The following THSD7B variants were observed in gnomAD, a reference collection of about 807,000 sequenced individuals.
The protein encoded by THSD7B is thrombospondin type 1 domain containing 7B, also known as thrombospondin type-1 domain-containing protein 7B.
THSD7B carries 138 observed loss-of-function variants against 213.6 expected under a neutral mutation model. The ratio of observed to expected loss-of-function variants is 0.65; its 90% CI spans 0.56 to 0.74. The LOEUF (loss-of-function observed/expected upper bound fraction) is 0.74. Among genes scored for constraint, THSD7B ranks in the 30% least tolerant of loss-of-function variants. The pLI, the probability that THSD7B is intolerant of heterozygous loss-of-function variation, is 0.00. For synonymous variants in THSD7B, 742 were observed against 687.0 expected, an observed-to-expected ratio of 1.08 and a Z score of -1.25; for missense variants, 1,931 against 1,991.5, an observed-to-expected ratio of 0.97 and a Z score of 0.58.
At chr2:137,240,759 C>T (rs1363246620) in intron 9 of THSD7B, among the ~76,000 whole-genome samples, 1 of 152,156 alleles carries the variant, frequency 6.6e-6, no homozygotes, top group Non-Finnish European at 1.5e-5. Flanking sequence ...AAGCAATACT[C>T]TTGCCTCGGC....
chr2:137,023,753 G>GGGAA (rs1686490693), intron 2 of THSD7B, among the ~76,000 whole-genome samples: 1 of 152,168 alleles, frequency 6.6e-6, no homozygotes, highest in Non-Finnish European at 1.5e-5. Flanking sequence ...GAGCATGGGA[G>GGGAA]ATGTGATGGC....
At chr2:136,784,296 ACT>A (rs1414750474) in intron 1 of THSD7B, among the ~76,000 whole-genome samples, 5 of 152,148 alleles carry the variant, frequency 3.3e-5, no homozygotes, top group Admixed American at 2.0e-4. Flanking sequence ...TTGAGCACAG[ACT>A]CTGCAAGATG....
At chr2:137,289,885 A>G (rs1438495116) in intron 12 of THSD7B, among the ~76,000 whole-genome samples, 1 of 152,076 alleles carries the variant, frequency 6.6e-6, no homozygotes, top group African/African-American at 2.4e-5. Flanking sequence ...GTGAGGGGAT[A>G]TGACTGAATG....
intron 12 of THSD7B, among the ~76,000 whole-genome samples, chr2:137,312,252 G>A (rs1021211913): frequency 2.0e-5 from 3 of 152,098 alleles, no homozygotes; most frequent in African/African-American, 7.2e-5. Context: ...TATGTGTCGA[G>A]GAATTTATCC....
At chr2:137,125,214 C>T (rs1297048817) in intron 5 of THSD7B, among the ~76,000 whole-genome samples, 2 of 152,180 alleles carry the variant, frequency 1.3e-5, no homozygotes, top group Non-Finnish European at 2.9e-5. Context: ...CCTTATACGA[C>T]AGATTTCTCT....
chr2:137,542,319 A>T (rs1680625006), intron 15 of THSD7B, among the ~76,000 whole-genome samples: 1 of 151,736 alleles, frequency 6.6e-6, no homozygotes, highest in African/African-American at 2.4e-5. Flanking sequence ...ATGCTGAGAA[A>T]CAGTCAATCA....
At chr2:137,585,421 T>C (rs143181000) in intron 17 of THSD7B, among the ~76,000 whole-genome samples, 263 of 152,304 alleles carry the variant, frequency 1.7e-3, no homozygotes, top group African/African-American at 5.9e-3. Context: ...AGTCTTTAAA[T>C]TGTGATGTTA....
At chr2:137,404,641 A>G (rs1395278726) in intron 12 of THSD7B, among the ~76,000 whole-genome samples, 1 of 151,012 alleles carries the variant, frequency 6.6e-6, no homozygotes, top group Admixed American at 6.6e-5. Context: ...TATATAGTGT[A>G]TATATAATAT....
At chr2:137,666,965 T>C (rs920966885) in intron 26 of THSD7B, among the ~76,000 whole-genome samples, 1 of 152,106 alleles carries the variant, frequency 6.6e-6, no homozygotes, top group Admixed American at 6.5e-5. Flanking sequence ...AGTAATTTGG[T>C]GAATTGATTA....
intron 2 of THSD7B, among the ~76,000 whole-genome samples, chr2:136,894,853 A>G (rs527853): frequency 0.99 from 150,647 of 152,318 alleles, 74,518 homozygotes; most frequent in East Asian, 1. Context: ...CATTCCTAAT[A>G]TACTTTAGCT....
intron 6 of THSD7B, among the ~76,000 whole-genome samples, chr2:137,170,509 A>C (rs1680224569): frequency 6.6e-6 from 1 of 151,956 alleles, no homozygotes; most frequent in Non-Finnish European, 1.5e-5. Context: ...GACTTCTCCA[A>C]CTCCTAGGTT....
At chr2:136,943,328 G>A (rs1407357097) in intron 2 of THSD7B, among the ~76,000 whole-genome samples, 10 of 152,164 alleles carry the variant, frequency 6.6e-5, no homozygotes, top group Non-Finnish European at 1.5e-4. Context: ...CAGGGATATT[G>A]GTCTAAAATT....
chr2:137,518,083 G>A (rs895417513), intron 15 of THSD7B, among the ~76,000 whole-genome samples: 8 of 152,084 alleles, frequency 5.3e-5, no homozygotes, highest in Admixed American at 4.6e-4. Flanking sequence ...ATATATATGT[G>A]ATTGGGCTCA....
At chr2:136,783,294 G>T (rs1376299220) in intron 1 of THSD7B, among the ~76,000 whole-genome samples, 3 of 152,140 alleles carry the variant, frequency 2.0e-5, no homozygotes, top group Non-Finnish European at 4.4e-5. Context: ...TACCTAGCTA[G>T]CAAAATCTTG....
chr2:137,373,473 T>A (rs1428157701), intron 12 of THSD7B, among the ~76,000 whole-genome samples: 1 of 152,212 alleles, frequency 6.6e-6, no homozygotes, highest in African/African-American at 2.4e-5. Flanking sequence ...TTTTCATGTG[T>A]TTTTTGGCTG....
intron 12 of THSD7B, among the ~76,000 whole-genome samples, chr2:137,391,417 A>G (rs568643746): frequency 6.6e-6 from 1 of 152,208 alleles, no homozygotes; most frequent in Non-Finnish European, 1.5e-5. Flanking sequence ...GGCCAGGTGC[A>G]GTGGCTCATG....
At chr2:137,177,162 A>G (rs1680374036) in intron 7 of THSD7B, among the ~76,000 whole-genome samples, 1 of 152,348 alleles carries the variant, frequency 6.6e-6, no homozygotes, top group Non-Finnish European at 1.5e-5. Context: ...CCATTATTCA[A>G]AGGGCTTCAA....
At chr2:137,620,030 C>T (rs901604181) in intron 19 of THSD7B, among the ~76,000 whole-genome samples, 1 of 152,180 alleles carries the variant, frequency 6.6e-6, no homozygotes, top group East Asian at 1.9e-4. Context: ...ATCTCTGCTA[C>T]CTTGGCCATT....
At chr2:137,313,989 T>A (rs370038057) in intron 12 of THSD7B, among the ~76,000 whole-genome samples, 35 of 152,098 alleles carry the variant, frequency 2.3e-4, no homozygotes, top group South Asian at 6.2e-4. Context: ...TGTGTCTTGG[T>A]GTTGCTCTTC....
Sources: gnomAD v4.1 joint callset for allele counts (sites outside exome capture counted in the v4.1 genomes callset) on GRCh38, gnomAD v4.1.1 for gene constraint, MANE v1.5 for transcripts, NCBI Gene and HGNC (gene_info 2026-07-23, HGNC 2026-07-21) for gene names.